Variants in PHF21A observed in about 807,000 individuals in gnomAD.
PHF21A encodes the protein PHD finger protein 21A.
A neutral mutation model predicts 82.5 loss-of-function variants in PHF21A; 11 were observed. The observed-to-expected ratio is 0.13, with a 90% confidence interval of 0.08 to 0.22. The LOEUF is 0.22. PHF21A is among the 10% of genes least tolerant of loss of function. PHF21A has a pLI of 1.00. For missense variants in PHF21A, 579 were observed against 837.8 expected (o/e 0.69, Z 3.81); for synonymous variants, 297 against 302.8 (o/e 0.98, Z 0.20).
intron 6 of PHF21A, among the ~76,000 whole-genome samples, chr11:45,990,711 T>C (rs907070710): frequency 1.8e-4 from 7 of 38,828 alleles, no homozygotes; most frequent in Admixed American, 3.9e-4. Context: ...TCCCTTGATT[T>C]GTTTTTTTTT....
chr11:46,084,902 G>T (rs539592180), intron 3 of PHF21A, among the ~76,000 whole-genome samples: 5 of 152,112 alleles, frequency 3.3e-5, no homozygotes, highest in African/African-American at 1.2e-4. Context: ...GGATGGTCTT[G>T]ATCTCCTGAC....
intron 10 of PHF21A, among the ~76,000 whole-genome samples, chr11:45,961,412 C>A (rs1357464011): frequency 1.3e-5 from 2 of 152,218 alleles, no homozygotes; most frequent in Non-Finnish European, 2.9e-5. Flanking sequence ...ACTATTTTCT[C>A]TACTATTGCA....
intron 3 of PHF21A, among the ~76,000 whole-genome samples, chr11:46,088,011 G>A (rs2096876739): frequency 1.3e-5 from 2 of 152,098 alleles, no homozygotes; most frequent in African/African-American, 2.4e-5. Context: ...TCCACCTTCA[G>A]CCTCCCAAAG....
intron 6 of PHF21A, among the ~76,000 whole-genome samples, chr11:46,012,298 G>T (rs187134879): frequency 5.8e-4 from 89 of 152,224 alleles, no homozygotes; most frequent in Non-Finnish European, 2.4e-4. Context: ...CTGCTTTCCT[G>T]TCACCATCTG....
intron 7 of PHF21A, 44 bp downstream of exon 7, chr11:45,979,716 C>A: frequency 6.2e-7 from 1 of 1,612,150 alleles, no homozygotes; most frequent in South Asian, 1.1e-5. Context: ...AACAACAAAT[C>A]AGTCTACAAT....
intron 6 of PHF21A, among the ~76,000 whole-genome samples, chr11:46,023,786 T>A (rs867109288): frequency 6.6e-6 from 1 of 152,116 alleles, no homozygotes; most frequent in Non-Finnish European, 1.5e-5. Flanking sequence ...TGAAACCCTG[T>A]TTCTACTAAA....
At chr11:46,038,723 C>T (rs2096066714) in intron 6 of PHF21A, among the ~76,000 whole-genome samples, 1 of 152,110 alleles carries the variant, frequency 6.6e-6, no homozygotes, top group Admixed American at 6.6e-5. Flanking sequence ...GGTGGCTAAG[C>T]ATGCTAGCAT....
intron 1 of PHF21A, among the ~76,000 whole-genome samples, chr11:46,106,103 A>T (rs2097149673): frequency 6.6e-6 from 1 of 152,248 alleles, no homozygotes; most frequent in Admixed American, 6.5e-5. Flanking sequence ...TTGACATCGT[A>T]AAGTTGCCAC....
At chr11:46,085,695 T>A (rs772802768) in intron 3 of PHF21A, among the ~76,000 whole-genome samples, 33 of 152,160 alleles carry the variant, frequency 2.2e-4, no homozygotes, top group Non-Finnish European at 4.3e-4. Context: ...AGATTCATGA[T>A]CTTCATATTT....
chr11:46,031,052 T>G (rs2138307544), intron 6 of PHF21A, among the ~76,000 whole-genome samples: 1 of 152,286 alleles, frequency 6.6e-6, no homozygotes, highest in East Asian at 1.9e-4. Context: ...TACAGGAAAT[T>G]CATGTACGAC....
chr11:45,961,338 G>A (rs955332023), intron 10 of PHF21A, among the ~76,000 whole-genome samples: 2 of 152,120 alleles, frequency 1.3e-5, no homozygotes, highest in African/African-American at 2.4e-5. Flanking sequence ...AAATAATTTC[G>A]TTAGTCAAGG....
At chr11:45,955,123 G>A (rs145217025) in intron 10 of PHF21A, among the ~76,000 whole-genome samples, 28 of 152,244 alleles carry the variant, frequency 1.8e-4, no homozygotes, top group Middle Eastern at 3.4e-3. Context: ...TATACTAAAC[G>A]CTATGTAAGA....
At chr11:45,949,108 GCTCTCAGAGACT>G (rs1229534003) in intron 13 of PHF21A, among the ~76,000 whole-genome samples, 162 bp from the exon 14 acceptor site, 2 of 152,252 alleles carry the variant, frequency 1.3e-5, no homozygotes, top group East Asian at 3.9e-4. Context: ...TATGTACTTG[GCTCTCAGAGACT>G]CTCTCAGAGA....
intron 15 of PHF21A, among the ~76,000 whole-genome samples, chr11:45,941,982 T>C (rs1044584143): frequency 6.6e-6 from 1 of 152,242 alleles, no homozygotes; most frequent in Non-Finnish European, 1.5e-5. Flanking sequence ...AAAATGGTTA[T>C]TGATCCCTAG....
intron 6 of PHF21A, among the ~76,000 whole-genome samples, chr11:46,058,961 C>A (rs1424237081): frequency 1.3e-5 from 2 of 152,136 alleles, no homozygotes; most frequent in Non-Finnish European, 2.9e-5. Context: ...TGAAGAGACA[C>A]AAGAGACAGA....
intron 6 of PHF21A, among the ~76,000 whole-genome samples, chr11:46,075,563 A>G (rs931372429): frequency 6.6e-6 from 1 of 152,168 alleles, no homozygotes; most frequent in Non-Finnish European, 1.5e-5. Context: ...TTTTTCTTAC[A>G]AATTGTTCTC....
At chr11:45,950,462 GGAA>G (rs2091952139) in intron 11 of PHF21A, among the ~76,000 whole-genome samples, 1 of 151,962 alleles carries the variant, frequency 6.6e-6, no homozygotes, top group Non-Finnish European at 1.5e-5. Context: ...GGGCCACATT[GGAA>G]GAAGAAGAAT....
At chr11:45,985,466 G>A (rs1392369478) in intron 6 of PHF21A, among the ~76,000 whole-genome samples, 1 of 152,170 alleles carries the variant, frequency 6.6e-6, no homozygotes, top group East Asian at 1.9e-4. Context: ...AGAAACTCAA[G>A]ATAAACTCCC....
chr11:46,119,842 GC>G (rs1852559729), intron 1 of PHF21A: 1 of 150,178 alleles, frequency 6.7e-6, no homozygotes. Flanking sequence ...GCACGACGGG[GC>G]TGGACCAAAC....
Sources: allele counts gnomAD v4.1 joint callset (sites outside exome capture counted in the v4.1 genomes callset), GRCh38; gene constraint gnomAD v4.1.1; transcripts MANE v1.5; gene names NCBI Gene and HGNC (gene_info 2026-07-23, HGNC 2026-07-21).